Variants in ACAN observed in about 807,000 individuals in gnomAD.
ACAN encodes the protein aggrecan, also known as aggrecan core protein.
In ACAN, 47 loss-of-function variants were observed where a neutral mutation model predicts 169.1. That is an observed-to-expected ratio of 0.28 (90% CI 0.22 to 0.35). ACAN has a LOEUF of 0.35. Ranked by LOEUF, ACAN falls within the 10% of genes least tolerant of loss-of-function variation. ACAN has a pLI of 1.00. For missense variants in ACAN, 2,716 were observed against 2,759.9 expected, an observed-to-expected ratio of 0.98 and a Z score of 0.36; for synonymous variants, 1,115 against 1,112.2, an observed-to-expected ratio of 1.00 and a Z score of -0.05.
At position 88,860,314 on chromosome 15, in the gene ACAN, T is replaced by G; in HGVS notation, c.6833-12T>G. 6.3e-7 allele frequency: 1 copy of G among 1,592,162 alleles called. No individual in the cohort carries two copies. The highest frequency in any genetic ancestry group is 1.1e-5 in the South Asian group (1 of 88,328). On this transcript the variant is annotated splice_polypyrimidine_tract_variant and intron_variant, in intron 12 of 18. Coordinates refer to ENST00000560601, the MANE Select transcript of ACAN (RefSeq NM_001369268.1). Reference sequence around the variant, plus strand: ...TGTTCTTGATGCTCAACCTCTCCCCTGGGGGTTGCAGCCCCCGCCAGGTCC... The same window carrying G: ...TGTTCTTGATGCTCAACCTCTCCCCGGGGGGTTGCAGCCCCCGCCAGGTCC...
In ACAN at chr15:88,858,763, G is replaced by A. The variant is rs767004998; in HGVS notation, c.6178G>A (p.Val2060Met). The change falls in exon 12 of 19, where the codon GTG (valine) becomes ATG (methionine). Residue 2060 changes from valine to methionine, a missense_variant. Val to Met is a conservative substitution (Grantham distance 21). Around this residue, in one of 3 missense-constraint regions of ACAN, gnomAD observed 1,389 missense variants for 1,363.7 expected, o/e 1.02. Transcript: ENST00000560601. This position sits in a 1 kb window ranked among gnomAD's most constrained non-coding sequence, Gnocchi z 4.0. ...ISQELGQRPP[V>M]THTPQLFESS... The stretch of plus-strand genomic sequence containing the variant: ...TCAGGAACTAGGCCAAAGGCCCCCT[G>A]TGACACACACACCCCAGCTTTTTGA... 1.2e-6 allele frequency: 2 copies of A among 1,613,948 alleles called. No homozygotes were observed. The highest frequency in any genetic ancestry group is 1.6e-4 in the Middle Eastern group (1 of 6,062).
chr15:88,837,117 A>G (rs1896524103), intron 2 of ACAN, among the ~76,000 whole-genome samples: 1 of 152,180 alleles, frequency 6.6e-6, no homozygotes, highest in Non-Finnish European at 1.5e-5. Context: ...TCCTACGGGG[A>G]CACCATACCC....
intron 11 of ACAN, among the ~76,000 whole-genome samples, chr15:88,853,777 CAT>C (rs1896985904): frequency 6.6e-6 from 1 of 151,628 alleles, no homozygotes; most frequent in Non-Finnish European, 1.5e-5. Context: ...TACATACATA[CAT>C]ACATACGTAC....
intron 13 of ACAN, among the ~76,000 whole-genome samples, chr15:88,865,737 T>C (rs1897269851): frequency 6.6e-6 from 1 of 152,206 alleles, no homozygotes; most frequent in South Asian, 2.1e-4. Flanking sequence ...CCTCTATCAG[T>C]TCCAGAAGGC....
In ACAN at chr15:88,838,834, A is replaced by G. The variant is rs373267308; in HGVS notation, c.242A>G (p.Glu81Gly). The G allele has an allele frequency of 2.5e-5, 41 of 1,613,964 alleles. No homozygotes were observed. Among genetic ancestry groups the G allele is most frequent in the Non-Finnish European group, 3.4e-5 (40 of 1,179,880 alleles). Residue 81 changes from glutamate to glycine, a missense_variant, in exon 3 of 19, where the codon GAG becomes GGG. Glu to Gly is a moderately conservative substitution (Grantham distance 98). Around this residue, in one of 3 missense-constraint regions of ACAN, gnomAD observed 1,283 missense variants for 1,281.5 expected, o/e 1.00. Transcript: ENST00000560601. This position sits in a 1 kb window ranked among gnomAD's most constrained non-coding sequence, Gnocchi z 5.1. ...PRIKWSRVSK[E>G]KEVVLLVATE... ...ATCAAGTGGAGCCGTGTGTCCAAGG[A>G]GAAGGAGGTAGTGCTGCTGGTGGCC...
intron 1 of ACAN, among the ~76,000 whole-genome samples, chr15:88,828,717 A>T (rs1896287253): frequency 6.6e-6 from 1 of 152,004 alleles, no homozygotes; most frequent in Admixed American, 6.5e-5. Context: ...AAAAGGTGGA[A>T]CTCTTCTCTG....
intron 4 of ACAN, 147 bp from the exon 5 acceptor site, chr15:88,841,593 G>A: frequency 9.7e-7 from 1 of 1,031,298 alleles, no homozygotes; most frequent in Non-Finnish European, 1.4e-6. Context: ...TGTAAAAACA[G>A]ATAGGCAGTT....
intron 7 of ACAN, among the ~76,000 whole-genome samples, chr15:88,846,176 C>T (rs1436916622): frequency 6.6e-6 from 1 of 152,154 alleles, no homozygotes. Flanking sequence ...GCGTGGAGAA[C>T]AACTGGGCTC....
chr15:88,853,593 G>T (rs1454840630), intron 11 of ACAN, among the ~76,000 whole-genome samples: 1 of 152,046 alleles, frequency 6.6e-6, no homozygotes, highest in African/African-American at 2.4e-5. Context: ...AGCCAAGATG[G>T]TGCCACCGCA....
Position 88,836,260 on chromosome 15 carries a change from C to T in ACAN, c.54C>T (p.Val18=). 1.2e-6 allele frequency: 2 copies of T among 1,613,818 alleles called. No homozygotes were observed. Among genetic ancestry groups the T allele is most frequent in the South Asian group, 2.2e-5 (2 of 91,002 alleles). ...CTCTGAGGGTCATCACTGCAGCTGT[C>T]ACTGTAGAAACTTCAGGTGAGGACA... is the stretch of plus-strand genomic sequence containing the variant. ...FVTLRVITAA[V]TVETSDHDNS... is the part of the protein sequence containing the mutation. The change falls in exon 2 of 19, where the codon GTC becomes GTT. Residue 18 remains valine, a synonymous_variant. Coordinates refer to ENST00000560601, the MANE Select transcript of ACAN (RefSeq NM_001369268.1).
At chr15:88,826,374 C>CTTTTT (rs59069149) in intron 1 of ACAN, among the ~76,000 whole-genome samples, 1 of 111,588 alleles carries the variant, frequency 9.0e-6, no homozygotes. Context: ...CCTTTTTTTT[C>CTTTTT]TTTTTTTTTT....
rs34546634 is a variant in ACAN, at chr15:88,858,583, G to C, written c.5998G>C (p.Gly2000Arg). The change falls in exon 12 of 19, where the codon GGT becomes CGT. Residue 2000 changes from glycine to arginine, a missense_variant. Physicochemically the swap from Gly to Arg is moderately radical, Grantham distance 125. Around this residue, in one of 3 missense-constraint regions of ACAN, gnomAD observed 1,389 missense variants for 1,363.7 expected, o/e 1.02. Transcript: ENST00000560601. The surrounding 1 kb of genome is among the most constrained non-coding windows in gnomAD (Gnocchi z 4.0). ...GATAGAGCCCAGCGGAGAGCCACCA[G>C]GTACTCCATATTTTAGTGGGGATTT... ...GLIEPSGEPPGTPYFSGDFAS... is the reference protein window; with the variant it reads ...GLIEPSGEPPRTPYFSGDFAS... 3 of 1,613,854 alleles carry C rather than the reference G, an allele frequency of 1.9e-6. No individual in the cohort carries two copies. Among genetic ancestry groups the C allele is most frequent in the Non-Finnish European group, 2.5e-6 (3 of 1,179,872 alleles).
At chr15:88,819,200 G>T (rs1896014465) in intron 1 of ACAN, among the ~76,000 whole-genome samples, 1 of 152,184 alleles carries the variant, frequency 6.6e-6, no homozygotes, top group South Asian at 2.1e-4. Flanking sequence ...CAGCTGGAAA[G>T]GAAGGAAACA....
chr15:88,849,168 C>T lies in ACAN; in HGVS notation c.1733-270C>T, dbSNP rs2141590158. 6.6e-6 allele frequency among the ~76,000 whole-genome samples: 1 copy of T among 152,368 alleles called. No homozygotes were observed. The highest frequency in any genetic ancestry group is 2.1e-4 in the South Asian group (1 of 4,828). ...GGAGGAGAAGTTGTTGTGGAAACAA[C>T]TCAGCCCAGTTTTACGGGAATTTTG... On this transcript the variant is annotated intron_variant, in intron 9 of 18. Coordinates refer to ENST00000560601, the MANE Select transcript of ACAN (RefSeq NM_001369268.1). This position sits in a 1 kb window ranked among gnomAD's most constrained non-coding sequence, Gnocchi z 5.1.
Position 88,829,220 on chromosome 15 carries a change from A to G in ACAN, c.-7-6980A>G, listed in dbSNP as rs566633792. Among the ~76,000 whole-genome samples, 4 of 152,394 alleles carry G rather than the reference A, an allele frequency of 2.6e-5. No homozygotes were observed. The East Asian group carries it at 7.7e-4, about 29-fold the overall frequency. On this transcript the variant is annotated intron_variant, in intron 1 of 18. Transcript: ENST00000560601. Reference sequence around the variant, plus strand: ...GTTGAAGAAGGTGGGGAGAAGAGAAAGAGGAGGAAATATCAAAAGAGTATT... The same window carrying G: ...GTTGAAGAAGGTGGGGAGAAGAGAAGGAGGAGGAAATATCAAAAGAGTATT...
rs200462980 is a variant in ACAN, at chr15:88,847,465, G to A, written c.1604+48G>A. On this transcript the variant is annotated intron_variant, in intron 8 of 18. Coordinates refer to ENST00000560601, the MANE Select transcript of ACAN (RefSeq NM_001369268.1). ...GCCCAAACCCAATTGAAGAGGTCAG[G>A]CTTAAGGAGCCACAGCCTGACACCG... 291 of 1,488,554 alleles carry A rather than the reference G, an allele frequency of 2.0e-4. 4 individuals carry two copies. The East Asian group carries it at 7.2e-3, about 37-fold the overall frequency. 92.2% of individuals were successfully genotyped at this position (1,488,554 alleles called of 1,614,324 possible). A position where few individuals can be genotyped will look rare whatever the true frequency, so the allele number is the denominator to read the frequency against.
chr15:88,874,595 A>T lies in ACAN; in HGVS notation c.*114A>T. The T allele has an allele frequency of 9.7e-7, 1 of 1,028,690 alleles. No homozygotes were observed. Among genetic ancestry groups the T allele is most frequent in the Non-Finnish European group, 1.5e-6 (1 of 675,524 alleles). 63.7% of individuals were successfully genotyped at this position (1,028,690 alleles called of 1,614,324 possible). ...CGCTTTTTGTCATATAAGGAATCCC[A>T]TTAAAGAAGGAAAAAAATAAATCCC... On this transcript the variant is annotated 3_prime_UTR_variant, in exon 19 of 19. Coordinates refer to ENST00000560601, the MANE Select transcript of ACAN (RefSeq NM_001369268.1). This position sits in a 1 kb window ranked among gnomAD's most constrained non-coding sequence, Gnocchi z 7.3.
rs1289927946 is a variant in ACAN, at chr15:88,838,569, A to G, written c.71-94A>G. On this transcript the variant is annotated intron_variant, in intron 2 of 18. Transcript: ENST00000560601. The surrounding 1 kb of genome is among the most constrained non-coding windows in gnomAD (Gnocchi z 5.1). ...CACACTCATCGGATTTCGCTCTCTCAGGAGAGTGCATTGCTGGAAGGATGG... is the reference window on the plus strand; with the variant it reads ...CACACTCATCGGATTTCGCTCTCTCGGGAGAGTGCATTGCTGGAAGGATGG... The G allele has an allele frequency of 7.1e-7, 1 of 1,402,872 alleles. No homozygotes were observed. The highest frequency in any genetic ancestry group is 2.3e-5 in the East Asian group (1 of 43,456). The allele number at this position is 1,402,872 out of a possible 1,614,324, so 86.9% of individuals were successfully genotyped here.
rs141417438 is a variant in ACAN at position 88,874,782 on chromosome 15, AG to A, written c.*306del. The A allele has an allele frequency of 3.1e-3, 1,396 of 445,162 alleles. 23 individuals are homozygous for A. The highest frequency in any genetic ancestry group is 0.026 in the African/African-American group (1,282 of 49,958). The allele number at this position is 445,162 out of a possible 1,614,324, so 27.6% of individuals were successfully genotyped here. Reference sequence around the variant, plus strand: ...CCTTTCCAGGGACCAGTGCAGGGACAGGGGGAGAAGGGGAGGGGTTAAGTTA... The same window carrying A: ...CCTTTCCAGGGACCAGTGCAGGGACAGGGGAGAAGGGGAGGGGTTAAGTTA... On this transcript the variant is annotated 3_prime_UTR_variant, in exon 19 of 19. Transcript: ENST00000560601. The surrounding 1 kb of genome is among the most constrained non-coding windows in gnomAD (Gnocchi z 7.3).
Sources: gnomAD v4.1 joint callset for allele counts (sites outside exome capture counted in the v4.1 genomes callset) on GRCh38, gnomAD v4.1.1 for gene constraint, gnomAD v4.1.1 regional missense constraint, Gnocchi (gnomAD v3.1) non-coding constraint, MANE v1.5 for transcripts, NCBI Gene and HGNC (gene_info 2026-07-23, HGNC 2026-07-21) for gene names.